Variants in SIRPG observed in about 807,000 individuals in gnomAD.
The protein encoded by SIRPG is signal-regulatory protein gamma.
In SIRPG, 38 loss-of-function variants were observed where a neutral mutation model predicts 35.7. That is an observed-to-expected ratio of 1.06 (90% confidence interval 0.82 to 1.40). SIRPG has a LOEUF of 1.40. SIRPG is among the 40% of genes most tolerant of loss of function. SIRPG has a pLI of 0.00. For missense variants in SIRPG, 519 were observed against 483.0 expected (o/e 1.07, Z -0.70); for synonymous variants, 215 against 190.4 (o/e 1.13, Z -1.06).
Position 1,635,513 on chromosome 20 carries a change from G to T in SIRPG, c.835C>A (p.Gln279Lys). The T allele has an allele frequency of 6.2e-7, 1 of 1,614,054 alleles. No individual in the cohort carries two copies. Among genetic ancestry groups the T allele is most frequent in the Non-Finnish European group, 8.5e-7 (1 of 1,179,938 alleles). The change falls in exon 4 of 6, where the codon CAG becomes AAG. Residue 279 changes from glutamine (Q) to lysine (K), a missense_variant. By Grantham distance (53) the Gln-to-Lys change is moderately conservative. Coordinates refer to ENST00000303415, the MANE Select transcript of SIRPG (RefSeq NM_018556.4). ...VTCQVRKFYP[Q>K]SLQLTWSENG... Reference sequence around the variant, plus strand: ...TCCGACCAGGTCAGCTGTAGGCTCTGGGGGTAGAACTTCCTCACCTGGCAG... The same window carrying T: ...TCCGACCAGGTCAGCTGTAGGCTCTTGGGGTAGAACTTCCTCACCTGGCAG...
chr20:1,651,186 C>T (rs970495591), intron 1 of SIRPG: 1 of 152,130 alleles, frequency 6.6e-6, no homozygotes, highest in African/African-American at 2.4e-5. Context: ...TAAAGATGTC[C>T]AGTTATATGT....
chr20:1,652,933 T>C (rs1186145373), intron 1 of SIRPG, among the ~76,000 whole-genome samples: 1 of 152,206 alleles, frequency 6.6e-6, no homozygotes, highest in Non-Finnish European at 1.5e-5. Flanking sequence ...GTGTGTAATG[T>C]TTGAATTGCT....
At chr20:1,636,538 G>A in intron 2 of SIRPG, 33 bp from the exon 3 acceptor site, 1 of 1,604,988 alleles carries the variant, frequency 6.2e-7, no homozygotes, top group South Asian at 1.1e-5. Context: ...CAGGAGACAT[G>A]ACTGAGATGA....
chr20:1,651,687 C>T (rs753166896), intron 1 of SIRPG, among the ~76,000 whole-genome samples: 9 of 152,022 alleles, frequency 5.9e-5, no homozygotes, highest in African/African-American at 1.2e-4. Context: ...TCATGGCTTA[C>T]GGATTTGCTA....
At chr20:1,631,069 G>A (rs896111248) in intron 4 of SIRPG, among the ~76,000 whole-genome samples, 1 of 152,158 alleles carries the variant, frequency 6.6e-6, no homozygotes, top group Non-Finnish European at 1.5e-5. Context: ...CAGTTACGGG[G>A]AAGCACATGT....
chr20:1,651,194 T>C (rs56058564), intron 1 of SIRPG: 16 of 152,192 alleles, frequency 1.1e-4, no homozygotes, highest in East Asian at 3.8e-4. Flanking sequence ...TCCAGTTATA[T>C]GTAAATTTTT....
At chr20:1,676,854 C>T in the SIRPG span, 40,198 of 163,636 alleles carry the variant, frequency 0.25, 5,788 homozygotes, top group East Asian at 0.59. Flanking sequence ...ACATGAACTT[C>T]TCAGGCTGAA....
At chr20:1,634,685 T>C (rs2091778249) in intron 4 of SIRPG, among the ~76,000 whole-genome samples, 1 of 151,978 alleles carries the variant, frequency 6.6e-6, no homozygotes, top group African/African-American at 2.4e-5. Context: ...TCTCAAGGAA[T>C]AAGGGAAGGC....
chr20:1,659,142 C>T (rs1043525831), upstream of SIRPG, among the ~76,000 whole-genome samples: 1 of 152,192 alleles, frequency 6.6e-6, no homozygotes. Flanking sequence ...TTTCTGTGTA[C>T]AGGAAGAGTC....
the SIRPG span, chr20:1,670,119 C>T: frequency 1.2e-5 from 3 of 252,326 alleles, no homozygotes; most frequent in Admixed American, 4.0e-5. Context: ...ATCTGGGACA[C>T]ATTTCTGTTC....
intron 3 of SIRPG, 112 bp from the exon 4 acceptor site, chr20:1,635,711 G>A: frequency 8.7e-7 from 1 of 1,146,026 alleles, no homozygotes; most frequent in Non-Finnish European, 1.2e-6. Context: ...GACAGTGCTA[G>A]GCAGGCAGCA....
intron 4 of SIRPG, chr20:1,633,639 A>G (rs534354027): frequency 7.2e-5 from 11 of 152,274 alleles, no homozygotes; most frequent in African/African-American, 2.4e-4. Flanking sequence ...TCCATTTCCT[A>G]TATTTACTCT....
the SIRPG span, among the ~76,000 whole-genome samples, chr20:1,685,935 C>G: frequency 6.6e-6 from 1 of 152,160 alleles, no homozygotes; most frequent in Non-Finnish European, 1.5e-5. Flanking sequence ...GTTTTGCCTC[C>G]TGGAGCCTCA....
chr20:1,674,649 T>C, the SIRPG span, among the ~76,000 whole-genome samples: 12 of 152,272 alleles, frequency 7.9e-5, no homozygotes, highest in Admixed American at 2.0e-4. Flanking sequence ...TCTGTGCACA[T>C]CCTCTCCCAT....
At chr20:1,680,144 TCAAACAAACGGA>T in the SIRPG span, among the ~76,000 whole-genome samples, 1 of 152,230 alleles carries the variant, frequency 6.6e-6, no homozygotes, top group African/African-American at 2.4e-5. Context: ...GTTAGTGCCT[TCAAACAAACGGA>T]CAAACAAACA....
chr20:1,673,560 A>C, the SIRPG span, among the ~76,000 whole-genome samples: 1 of 152,168 alleles, frequency 6.6e-6, no homozygotes, highest in Non-Finnish European at 1.5e-5. Context: ...AGCAGAACAA[A>C]GAGGAGCAGA....
Position 1,649,163 on chromosome 20 carries a change from T to C in SIRPG, c.319A>G (p.Ser107Gly), listed in dbSNP as rs370269730. 71 of 1,614,152 alleles carry C rather than the reference T, an allele frequency of 4.4e-5. 1 individual carries two copies. Among genetic ancestry groups the C allele is most frequent in the Admixed American group, 3.0e-4 (18 of 60,016 alleles). ...RNNMDFSIRI[S>G]SITPADVGTY... ...CCGACATCTGCTGGGGTGATGCTAC[T>C]GATGCGGATGGAAAAGTCCATGTTG... The change falls in exon 2 of 6, where the codon AGT becomes GGT. Residue 107 changes from serine (S) to glycine (G), a missense_variant. Transcript: ENST00000303415.
At chr20:1,653,848 C>T (rs563545754) in intron 1 of SIRPG, among the ~76,000 whole-genome samples, 2 of 152,212 alleles carry the variant, frequency 1.3e-5, no homozygotes, top group East Asian at 3.9e-4. Flanking sequence ...TGTGTTTCAG[C>T]ATGGTCACAT....
the SIRPG span, chr20:1,671,157 C>G: frequency 7.9e-6 from 3 of 377,498 alleles, no homozygotes; most frequent in Non-Finnish European, 1.6e-5. Context: ...CAGCTGTGGT[C>G]CTCACTGCAG....
Sources: gnomAD v4.1 joint callset for allele counts (sites outside exome capture counted in the v4.1 genomes callset) on GRCh38, gnomAD v4.1.1 for gene constraint, MANE v1.5 for transcripts, NCBI Gene and HGNC (gene_info 2026-07-23, HGNC 2026-07-21) for gene names.